CUEDC1: variants seen among roughly 807,000 people sequenced by gnomAD.
CUEDC1 encodes CUE domain containing 1.
In CUEDC1, 30 loss-of-function variants were observed where a neutral mutation model predicts 43.7. The observed-to-expected ratio is 0.69, with a 90% CI of 0.51 to 0.93. The LOEUF (loss-of-function observed/expected upper bound fraction) is 0.93, where lower values mean the gene tolerates loss of function less well. Ranked by LOEUF, CUEDC1 falls within the 40% of genes least tolerant of loss-of-function variation. The pLI is 0.00. For synonymous variants in CUEDC1, 223 were observed against 223.6 expected (o/e 1.00, Z 0.02); for missense variants, 486 against 549.0 (o/e 0.89, Z 1.15).
intron 7 of CUEDC1, among the ~76,000 whole-genome samples, chr17:57,868,921 T>C (rs1298026201): frequency 1.3e-5 from 2 of 152,188 alleles, no homozygotes; most frequent in Admixed American, 1.3e-4. Flanking sequence ...CAAGAGGATT[T>C]AAAACTTAAT....
intron 4 of CUEDC1, among the ~76,000 whole-genome samples, chr17:57,873,067 A>AT (rs1387084275): frequency 6.6e-6 from 1 of 152,036 alleles, no homozygotes; most frequent in Non-Finnish European, 1.5e-5. Context: ...CCTAAAAACT[A>AT]TTTTTCCCCC....
intron 1 of CUEDC1, among the ~76,000 whole-genome samples, chr17:57,943,232 C>T (rs542589844): frequency 1.3e-5 from 2 of 152,260 alleles, no homozygotes; most frequent in Non-Finnish European, 2.9e-5. Flanking sequence ...ACCACTAGCA[C>T]GAACCGCCAA....
At chr17:57,925,248 C>T (rs1439232125) in intron 1 of CUEDC1, among the ~76,000 whole-genome samples, 1 of 152,040 alleles carries the variant, frequency 6.6e-6, no homozygotes, top group Non-Finnish European at 1.5e-5. Flanking sequence ...ATGTAAACTA[C>T]CCAGGGGGCA....
At chr17:57,926,923 G>A (rs2074753113) in intron 1 of CUEDC1, among the ~76,000 whole-genome samples, 3 of 152,180 alleles carry the variant, frequency 2.0e-5, no homozygotes, top group Admixed American at 2.0e-4. Context: ...GACTCAGACA[G>A]GGAAAGGAAG....
Position 57,914,051 on chromosome 17 carries a change from T to C in CUEDC1, c.-315-28172A>G, listed in dbSNP as rs1000317370. On this transcript the variant is annotated intron_variant, in intron 1 of 10. Transcript: ENST00000577830. ...GTTCTCACGATTGCCACTGTGCCCGTTGGTGGCCCCAACAGATGGTGCCCA... is the reference window on the plus strand; with the variant it reads ...GTTCTCACGATTGCCACTGTGCCCGCTGGTGGCCCCAACAGATGGTGCCCA... Among the ~76,000 whole-genome samples the C allele has an allele frequency of 1.3e-4, 20 of 152,342 alleles. 1 individual carries two copies. The highest frequency in any genetic ancestry group is 4.1e-4 in the African/African-American group (17 of 41,590).
chr17:57,939,907 G>A (rs1477850166), intron 1 of CUEDC1, among the ~76,000 whole-genome samples: 1 of 152,142 alleles, frequency 6.6e-6, no homozygotes, highest in East Asian at 1.9e-4. Flanking sequence ...GACTCACTGA[G>A]AACAGCTGCG....
chr17:57,873,606 C>A lies in CUEDC1; in HGVS notation c.576G>T (p.Gln192His). Residue 192 changes from glutamine to histidine, a missense_variant, in exon 4 of 11, where the codon CAG becomes CAT. Transcript: ENST00000577830. The part of the protein sequence containing the change: ...PDDFLRILPQ[Q>H]LDSIQGNAGG... ...CCCCTGTTACCTGTATGCTGTCCAGCTGCTGGGGCAGGATGCGGAGAAAGT... is the reference window on the plus strand; with the variant it reads ...CCCCTGTTACCTGTATGCTGTCCAGATGCTGGGGCAGGATGCGGAGAAAGT... The A allele has an allele frequency of 6.3e-7, 1 of 1,592,860 alleles. No homozygotes were observed. Among genetic ancestry groups the A allele is most frequent in the Non-Finnish European group, 8.6e-7 (1 of 1,169,090 alleles).
chr17:57,922,229 G>A (rs548629686), intron 1 of CUEDC1, among the ~76,000 whole-genome samples: 117 of 152,272 alleles, frequency 7.7e-4, no homozygotes, highest in African/African-American at 2.8e-3. Flanking sequence ...AACTCATATA[G>A]CCGGCTTAAA....
chr17:57,867,135 C>T, intron 9 of CUEDC1: 1 of 601,196 alleles, frequency 1.7e-6, no homozygotes, highest in Non-Finnish European at 3.0e-6. Flanking sequence ...AGGTACACAT[C>T]TAGGTGGAAG....
intron 1 of CUEDC1, among the ~76,000 whole-genome samples, chr17:57,895,887 G>A (rs2144991881): frequency 6.6e-6 from 1 of 152,350 alleles, no homozygotes; most frequent in South Asian, 2.1e-4. Flanking sequence ...CCAGCTTCTT[G>A]GGAAAAGGGG....
intron 1 of CUEDC1, among the ~76,000 whole-genome samples, chr17:57,943,001 C>T (rs1369805661): frequency 6.6e-6 from 1 of 151,764 alleles, no homozygotes; most frequent in Non-Finnish European, 1.5e-5. Flanking sequence ...GCACTCCAGC[C>T]TGGGTGACGG....
At chr17:57,904,424 A>G (rs928089739) in intron 1 of CUEDC1, among the ~76,000 whole-genome samples, 3 of 149,656 alleles carry the variant, frequency 2.0e-5, no homozygotes, top group African/African-American at 7.3e-5. Flanking sequence ...GGGAGGTGGG[A>G]GGGAGGGAAG....
intron 1 of CUEDC1, among the ~76,000 whole-genome samples, chr17:57,897,743 G>A (rs928202194): frequency 2.7e-5 from 4 of 149,950 alleles, no homozygotes; most frequent in African/African-American, 9.8e-5. Flanking sequence ...GGCCAGGCGC[G>A]GTAGCTCACG....
chr17:57,907,000 A>G (rs1367232842), intron 1 of CUEDC1, among the ~76,000 whole-genome samples: 1 of 149,868 alleles, frequency 6.7e-6, no homozygotes, highest in East Asian at 1.9e-4. Flanking sequence ...AGAAGACACC[A>G]TGAATCACCA....
intron 1 of CUEDC1, among the ~76,000 whole-genome samples, chr17:57,894,500 G>T (rs2074389207): frequency 6.6e-6 from 1 of 151,986 alleles, no homozygotes; most frequent in Non-Finnish European, 1.5e-5. Context: ...GTAAAACCCT[G>T]TCTCTACTGA....
chr17:57,947,694 G>A (rs745828652), intron 1 of CUEDC1, among the ~76,000 whole-genome samples: 5 of 152,014 alleles, frequency 3.3e-5, no homozygotes, highest in Non-Finnish European at 5.9e-5. Context: ...CCAGCTTCTC[G>A]GGAGGCTGAG....
chr17:57,883,985 T>C (rs748747607), intron 2 of CUEDC1, among the ~76,000 whole-genome samples: 7 of 152,044 alleles, frequency 4.6e-5, no homozygotes, highest in Non-Finnish European at 1.0e-4. Flanking sequence ...CGGGTGGGAC[T>C]GGAAAGGACT....
rs1012752744 is a variant in CUEDC1 at position 57,873,651 on chromosome 17, C to T, written c.531G>A (p.Leu177=). ...GAAAGTCATCCGGAAGGTTGCCCAG[C>T]AGTGGTGGGTTCCAGTTCCGATAGC... is the stretch of plus-strand genomic sequence containing the variant. ...QRRYRNWNPP[L]LGNLPDDFLR... is the part of the protein sequence containing the mutation. Residue 177 remains leucine, a synonymous_variant, in exon 4 of 11, where the codon CTG becomes CTA. Transcript: ENST00000577830. 1.2e-6 allele frequency: 2 copies of T among 1,605,588 alleles called. No homozygotes were observed. Among genetic ancestry groups the T allele is most frequent in the Non-Finnish European group, 8.5e-7 (1 of 1,175,838 alleles).
At chr17:57,937,993 A>C (rs1373933414) in intron 1 of CUEDC1, among the ~76,000 whole-genome samples, 2 of 152,224 alleles carry the variant, frequency 1.3e-5, no homozygotes, top group Non-Finnish European at 2.9e-5. Context: ...TAATTGTAAT[A>C]AAAAATTTGT....
Sources: allele counts gnomAD v4.1 joint callset (sites outside exome capture counted in the v4.1 genomes callset), GRCh38; gene constraint gnomAD v4.1.1; transcripts MANE v1.5; gene names NCBI Gene and HGNC (gene_info 2026-07-23, HGNC 2026-07-21).